SV2C: variants seen among roughly 807,000 people sequenced by gnomAD.
SV2C encodes solute carrier family 22 member B3.
A neutral mutation model predicts 79.7 loss-of-function variants in SV2C; 49 were observed. The ratio of observed to expected loss-of-function variants is 0.61; its 90% CI spans 0.49 to 0.78. The LOEUF (loss-of-function observed/expected upper bound fraction) is 0.78. Ranked by LOEUF, SV2C falls within the 30% of genes least tolerant of loss-of-function variation. The pLI is 0.00. For missense variants in SV2C, 833 were observed against 912.9 expected, an observed-to-expected ratio of 0.91 and a Z score of 1.13; for synonymous variants, 334 against 333.2, an observed-to-expected ratio of 1.00 and a Z score of -0.03.
the SV2C span, among the ~76,000 whole-genome samples, chr5:75,854,049 C>T: frequency 6.6e-6 from 1 of 150,712 alleles, no homozygotes; most frequent in South Asian, 2.1e-4. Flanking sequence ...CCCACCCAAC[C>T]TTACGACTGT....
the SV2C span, among the ~76,000 whole-genome samples, chr5:75,898,196 G>T: frequency 3.2e-4 from 49 of 152,130 alleles, no homozygotes; most frequent in African/African-American, 1.1e-3. Context: ...TAAGATATTG[G>T]CTGTGGGTTT....
At chr5:75,964,937 A>G in the SV2C span, among the ~76,000 whole-genome samples, 678 of 152,320 alleles carry the variant, frequency 4.5e-3, 8 homozygotes, top group African/African-American at 0.015. Flanking sequence ...ACTGGAAGAG[A>G]ATTTAAAAAT....
intron 12 of SV2C, among the ~76,000 whole-genome samples, chr5:76,344,812 A>G (rs1749508130): frequency 6.6e-6 from 1 of 152,202 alleles, no homozygotes; most frequent in Non-Finnish European, 1.5e-5. Context: ...TTTCTTTCTT[A>G]ATTTAGAATG....
chr5:76,349,977 C>T (rs1160958038), intron 12 of SV2C, among the ~76,000 whole-genome samples: 4 of 152,132 alleles, frequency 2.6e-5, no homozygotes, highest in African/African-American at 9.7e-5. Context: ...CAACAGAAAC[C>T]AACTTCATGT....
At chr5:75,858,693 A>T in the SV2C span, among the ~76,000 whole-genome samples, 2 of 152,086 alleles carry the variant, frequency 1.3e-5, no homozygotes, top group African/African-American at 2.4e-5. Flanking sequence ...TTCTTCTTTA[A>T]ATGTTTGGTA....
chr5:76,129,011 G>A (rs1409622813), intron 1 of SV2C, among the ~76,000 whole-genome samples: 2 of 152,148 alleles, frequency 1.3e-5, no homozygotes, highest in South Asian at 2.1e-4. Context: ...GGAGATAATA[G>A]CCATAGAATT....
chr5:76,095,458 C>T (rs1484446014), intron 1 of SV2C, among the ~76,000 whole-genome samples: 2 of 152,054 alleles, frequency 1.3e-5, no homozygotes, highest in African/African-American at 4.8e-5. Flanking sequence ...GATTGTCAAA[C>T]TTATTGCATA....
chr5:75,989,534 T>C, the SV2C span, among the ~76,000 whole-genome samples: 2 of 152,138 alleles, frequency 1.3e-5, no homozygotes, highest in Non-Finnish European at 2.9e-5. Flanking sequence ...AGTCTATCAT[T>C]GTTGGGCATT....
chr5:75,880,154 G>T, the SV2C span, among the ~76,000 whole-genome samples: 381 of 151,634 alleles, frequency 2.5e-3, 5 homozygotes, highest in African/African-American at 8.8e-3. Context: ...GGGAGGGGCT[G>T]CCTCAGAGAT....
intron 3 of SV2C, among the ~76,000 whole-genome samples, chr5:76,204,691 A>G (rs1349975587): frequency 6.6e-6 from 1 of 152,216 alleles, no homozygotes; most frequent in Non-Finnish European, 1.5e-5. Flanking sequence ...GCCATGCTTC[A>G]AGCCATTTTA....
intron 2 of SV2C, among the ~76,000 whole-genome samples, chr5:76,158,509 G>T (rs1048167072): frequency 6.6e-6 from 1 of 151,242 alleles, no homozygotes; most frequent in African/African-American, 2.4e-5. Context: ...AACAATTATA[G>T]ACATATATCC....
chr5:76,247,898 G>T (rs768391886), intron 4 of SV2C, among the ~76,000 whole-genome samples: 2 of 152,138 alleles, frequency 1.3e-5, no homozygotes, highest in Non-Finnish European at 2.9e-5. Context: ...GCATGCAAAA[G>T]TCAGCTCTCA....
At chr5:76,188,360 G>T (rs1362378177) in intron 2 of SV2C, among the ~76,000 whole-genome samples, 2 of 152,106 alleles carry the variant, frequency 1.3e-5, no homozygotes, top group Admixed American at 6.5e-5. Context: ...TGTGAAGTAG[G>T]TACTGTTATT....
chr5:75,907,134 G>A, the SV2C span, among the ~76,000 whole-genome samples: 1 of 152,150 alleles, frequency 6.6e-6, no homozygotes, highest in Non-Finnish European at 1.5e-5. Context: ...TCATTGACCA[G>A]GTGTGGGGCC....
chr5:76,086,168 C>G (rs1747190124), intron 1 of SV2C, among the ~76,000 whole-genome samples: 1 of 152,160 alleles, frequency 6.6e-6, no homozygotes, highest in South Asian at 2.1e-4. Context: ...ATTATTAACC[C>G]TATCATATTC....
intron 2 of SV2C, among the ~76,000 whole-genome samples, chr5:76,193,102 T>C (rs1187106085): frequency 6.6e-6 from 1 of 152,164 alleles, no homozygotes; most frequent in African/African-American, 2.4e-5. Flanking sequence ...TGTCCTTCTC[T>C]GAATTACGAG....
chr5:76,026,305 C>T, the SV2C span, among the ~76,000 whole-genome samples: 1 of 151,588 alleles, frequency 6.6e-6, no homozygotes, highest in African/African-American at 2.4e-5. Flanking sequence ...GTGAAGTGTG[C>T]AAATGAAGAC....
At chr5:76,317,046 A>C (rs1447294178) in intron 12 of SV2C, among the ~76,000 whole-genome samples, 1 of 151,640 alleles carries the variant, frequency 6.6e-6, no homozygotes, top group African/African-American at 2.4e-5. Flanking sequence ...TATGAAAAAA[A>C]CGCATAGAAT....
the SV2C span, among the ~76,000 whole-genome samples, chr5:76,026,201 A>AACACACACAC: frequency 0.052 from 7,246 of 140,026 alleles, 269 homozygotes; most frequent in East Asian, 0.12. Flanking sequence ...CAAATTTACA[A>AACACACACAC]ACACACACAC....
Sources: allele counts gnomAD v4.1 joint callset (sites outside exome capture counted in the v4.1 genomes callset), GRCh38; gene constraint gnomAD v4.1.1; transcripts MANE v1.5; gene names NCBI Gene and HGNC (gene_info 2026-07-23, HGNC 2026-07-21).